The following PSD3 variants were observed in gnomAD, a reference collection of about 807,000 sequenced individuals.
The protein encoded by PSD3 is PH and SEC7 domain-containing protein 3.
In PSD3, 49 loss-of-function variants were observed where a neutral mutation model predicts 105.5. The ratio of observed to expected loss-of-function variants is 0.46; its 90% CI spans 0.37 to 0.59. The LOEUF (loss-of-function observed/expected upper bound fraction) is 0.59, where lower values mean the gene tolerates loss of function less well. PSD3 is among the 20% of genes least tolerant of loss of function. The pLI is 0.00. For missense variants in PSD3, 1,561 were observed against 1,263.8 expected (o/e 1.24, Z -3.57); for synonymous variants, 557 against 457.8 (o/e 1.22, Z -2.77).
intron 1 of PSD3, among the ~76,000 whole-genome samples, chr8:18,942,115 G>C (rs1349960038): frequency 6.6e-6 from 1 of 152,162 alleles, no homozygotes. Flanking sequence ...AGTGAGGAGG[G>C]AGAAAAAGGT....
At position 19,028,480 on chromosome 8, in the gene PSD3, C is replaced by T. The variant is rs184639421; in HGVS notation, c.324+55726G>A. On this transcript the variant is annotated intron_variant, in intron 1 of 1. Transcript: ENST00000521475. Reference sequence around the variant, plus strand: ...AAGCAATCTTTCTGCCTTGGCTTCCCGAAGCGCTGGGATTATGGATGTGAG... The same window carrying T: ...AAGCAATCTTTCTGCCTTGGCTTCCTGAAGCGCTGGGATTATGGATGTGAG... 1.4e-4 allele frequency among the ~76,000 whole-genome samples: 21 copies of T among 152,044 alleles called. 1 individual carries two copies. The highest frequency in any genetic ancestry group is 2.4e-4 in the Non-Finnish European group (16 of 67,986).
chr8:18,574,993 T>C (rs1297091717), intron 13 of PSD3, 135 bp downstream of exon 13: 1 of 832,016 alleles, frequency 1.2e-6, no homozygotes, highest in African/African-American at 1.8e-5. Context: ...GGCAGTTATT[T>C]CTCTAATGTA....
chr8:18,713,586 G>C (rs143116199), intron 9 of PSD3, among the ~76,000 whole-genome samples: 7 of 152,132 alleles, frequency 4.6e-5, no homozygotes, highest in African/African-American at 1.7e-4. Flanking sequence ...GGAAGTGAAC[G>C]ACCTCTTCAA....
chr8:18,781,892 T>TA (rs1563260493), intron 8 of PSD3, among the ~76,000 whole-genome samples: 1 of 152,138 alleles, frequency 6.6e-6, no homozygotes, highest in East Asian at 1.9e-4. Flanking sequence ...TTATTTTTTT[T>TA]AAAAATGTTA....
chr8:18,659,714 C>T (rs1465742952), intron 9 of PSD3, among the ~76,000 whole-genome samples: 1 of 152,218 alleles, frequency 6.6e-6, no homozygotes, highest in Non-Finnish European at 1.5e-5. Context: ...TGCTAGGACA[C>T]ATGCTTGAAG....
At chr8:18,645,742 A>C (rs1807988017) in intron 10 of PSD3, among the ~76,000 whole-genome samples, 1 of 152,138 alleles carries the variant, frequency 6.6e-6, no homozygotes, top group Non-Finnish European at 1.5e-5. Context: ...ATGAGGTGTA[A>C]TGAGTATCTA....
chr8:18,670,357 T>A (rs1374425529), intron 9 of PSD3, among the ~76,000 whole-genome samples: 1 of 152,168 alleles, frequency 6.6e-6, no homozygotes, highest in Non-Finnish European at 1.5e-5. Context: ...GCTGGCCGGG[T>A]GACCACTAGA....
At chr8:18,672,264 C>G (rs1799827367) in intron 9 of PSD3, among the ~76,000 whole-genome samples, 1 of 151,410 alleles carries the variant, frequency 6.6e-6, no homozygotes, top group Non-Finnish European at 1.5e-5. Flanking sequence ...TAACTATGGA[C>G]ATGATGAAGT....
intron 4 of PSD3, among the ~76,000 whole-genome samples, chr8:18,845,852 T>G (rs1471177641): frequency 6.6e-6 from 1 of 152,230 alleles, no homozygotes; most frequent in Admixed American, 6.5e-5. Flanking sequence ...GAAAGAATAC[T>G]GAAGTTACTG....
At chr8:18,569,042 T>A (rs1368118699) in intron 14 of PSD3, among the ~76,000 whole-genome samples, 1 of 131,344 alleles carries the variant, frequency 7.6e-6, no homozygotes, top group African/African-American at 2.6e-5. Context: ...GAACTCATCA[T>A]TTTTTATGGC....
At chr8:18,720,630 A>C (rs1802906457) in intron 9 of PSD3, among the ~76,000 whole-genome samples, 1 of 152,204 alleles carries the variant, frequency 6.6e-6, no homozygotes, top group South Asian at 2.1e-4. Context: ...GTACATACTG[A>C]ATGTGCCAGT....
chr8:18,697,834 A>G (rs1801344002), intron 9 of PSD3, among the ~76,000 whole-genome samples: 1 of 152,158 alleles, frequency 6.6e-6, no homozygotes, highest in Admixed American at 6.5e-5. Flanking sequence ...CTGATCAGCA[A>G]ATTGTTTTCT....
intron 1 of PSD3, among the ~76,000 whole-genome samples, chr8:18,989,023 A>G (rs1176954692): frequency 2.0e-5 from 3 of 152,176 alleles, no homozygotes; most frequent in Non-Finnish European, 4.4e-5. Flanking sequence ...GGTAAAGATA[A>G]ATTGGGTTCC....
intron 1 of PSD3, among the ~76,000 whole-genome samples, chr8:19,024,267 T>G (rs1563515696): frequency 6.6e-6 from 1 of 152,212 alleles, no homozygotes; most frequent in African/African-American, 2.4e-5. Context: ...ATTTCACGTA[T>G]AACCTGTGGA....
chr8:18,756,264 A>G (rs1202306021), intron 9 of PSD3, among the ~76,000 whole-genome samples: 1 of 152,050 alleles, frequency 6.6e-6, no homozygotes, highest in Non-Finnish European at 1.5e-5. Flanking sequence ...TTTCAACTAC[A>G]TACTCCGAAT....
At chr8:18,833,761 G>A (rs530816201) in intron 4 of PSD3, among the ~76,000 whole-genome samples, 3 of 151,722 alleles carry the variant, frequency 2.0e-5, no homozygotes, top group Non-Finnish European at 2.9e-5. Flanking sequence ...AAAAGATCTA[G>A]CACAATAAAT....
chr8:18,755,821 C>T (rs1483138542), intron 9 of PSD3, among the ~76,000 whole-genome samples: 3 of 151,434 alleles, frequency 2.0e-5, no homozygotes, highest in Non-Finnish European at 2.9e-5. Flanking sequence ...TCAAATATTA[C>T]CCTCATTATC....
intron 4 of PSD3, among the ~76,000 whole-genome samples, chr8:18,825,832 T>C (rs548169233): frequency 1.3e-5 from 2 of 152,198 alleles, no homozygotes; most frequent in African/African-American, 2.4e-5. Context: ...AGTCTCTTCA[T>C]TTGATCAGAA....
At chr8:18,805,626 C>T (rs567220059) in intron 4 of PSD3, among the ~76,000 whole-genome samples, 1 of 152,092 alleles carries the variant, frequency 6.6e-6, no homozygotes, top group African/African-American at 2.4e-5. Context: ...CTATCTTATA[C>T]TTTGAATGGA....
Sources: gnomAD v4.1 joint callset for allele counts (sites outside exome capture counted in the v4.1 genomes callset) on GRCh38, gnomAD v4.1.1 for gene constraint, MANE v1.5 for transcripts, NCBI Gene and HGNC (gene_info 2026-07-23, HGNC 2026-07-21) for gene names.